Variants in KIF3C observed in about 807,000 individuals in gnomAD.
KIF3C encodes the protein kinesin-like protein KIF3C.
Under a neutral mutation model 67.7 loss-of-function variants are expected in KIF3C, and 12 were observed. The ratio of observed to expected loss-of-function variants is 0.18; its 90% confidence interval spans 0.11 to 0.29. The LOEUF (loss-of-function observed/expected upper bound fraction) is 0.29, where lower values mean the gene tolerates loss of function less well. Ranked by LOEUF, KIF3C falls within the 10% of genes least tolerant of loss-of-function variation. The pLI is 1.00. For synonymous variants in KIF3C, 393 were observed against 426.2 expected (o/e 0.92, Z 0.96); for missense variants, 789 against 1,059.6 (o/e 0.74, Z 3.55).
At chr2:25,950,895 A>T (rs1215967396) in intron 5 of KIF3C, among the ~76,000 whole-genome samples, 2 of 76,598 alleles carry the variant, frequency 2.6e-5, no homozygotes, top group Non-Finnish European at 5.1e-5. Context: ...TATAGTTGTT[A>T]AAAAAAAAAA....
At chr2:25,929,626 T>C in intron 6 of KIF3C, 149 bp from the exon 7 acceptor site, 1 of 641,640 alleles carries the variant, frequency 1.6e-6, no homozygotes. Flanking sequence ...CTTTTTTTTT[T>C]TTCTTCTGAG....
intron 1 of KIF3C, among the ~76,000 whole-genome samples, chr2:25,973,803 T>A (rs1029623193): frequency 1.3e-5 from 2 of 152,152 alleles, no homozygotes; most frequent in African/African-American, 4.8e-5. Flanking sequence ...GAGGCCCATG[T>A]TGATTTCAAA....
rs1177777793 is a variant in KIF3C at position 25,927,419 on chromosome 2, A to G, written c.*1559T>C. On this transcript the variant is annotated 3_prime_UTR_variant, in exon 8 of 8. Coordinates refer to ENST00000264712, the MANE Select transcript of KIF3C (RefSeq NM_002254.8). Reference sequence around the variant, plus strand: ...AATTGTGATTTCCTGGAAGGACAGGAGCAAATGGCAAGTGGGTGGCTCAAC... The same window carrying G: ...AATTGTGATTTCCTGGAAGGACAGGGGCAAATGGCAAGTGGGTGGCTCAAC... The G allele has an allele frequency of 6.6e-6, 1 of 152,254 alleles. No individual in the cohort carries two copies. Among genetic ancestry groups the G allele is most frequent in the Non-Finnish European group, 1.5e-5 (1 of 68,056 alleles). 9.4% of individuals were successfully genotyped at this position (152,254 alleles called of 1,614,324 possible). A position where few individuals can be genotyped will look rare whatever the true frequency, so the allele number is the denominator to read the frequency against.
At chr2:25,945,931 C>T (rs1221682505) in intron 5 of KIF3C, among the ~76,000 whole-genome samples, 3 of 151,108 alleles carry the variant, frequency 2.0e-5, no homozygotes, top group Non-Finnish European at 4.4e-5. Flanking sequence ...GCCAACATGG[C>T]GAAACTCCGT....
chr2:25,969,077 G>A (rs145024537), intron 1 of KIF3C, among the ~76,000 whole-genome samples: 6,218 of 152,182 alleles, frequency 0.041, 261 homozygotes, highest in African/African-American at 0.11. Context: ...GCCTGCTTTG[G>A]CCTCCCAAAG....
intron 5 of KIF3C, among the ~76,000 whole-genome samples, chr2:25,949,886 G>A (rs931751985): frequency 5.3e-5 from 8 of 150,800 alleles, no homozygotes; most frequent in African/African-American, 1.5e-4. Flanking sequence ...CTCGAGAATC[G>A]TTTGAACCCA....
chr2:25,979,002 A>ACATT (rs1386301268), intron 1 of KIF3C, among the ~76,000 whole-genome samples: 2 of 152,168 alleles, frequency 1.3e-5, no homozygotes. Context: ...CTGCAGCAGC[A>ACATT]CATTCCCAAA....
chr2:25,928,691 T>C lies in KIF3C; in HGVS notation c.*287A>G. 1 of 269,186 alleles carries C rather than the reference T, an allele frequency of 3.7e-6. No individual in the cohort carries two copies. Among genetic ancestry groups the C allele is most frequent in the Non-Finnish European group, 7.1e-6 (1 of 140,776 alleles). The allele number at this position is 269,186 out of a possible 1,614,324, so 16.7% of individuals were successfully genotyped here. On this transcript the variant is annotated 3_prime_UTR_variant, in exon 8 of 8. Transcript: ENST00000264712. ...AAGCCTGAGATCTGACTGGGGGAGC[T>C]CTCAAGTCAGAAGAAAAAGAGGCTA...
At chr2:25,954,193 C>A (rs186980871) in intron 4 of KIF3C, 74 bp downstream of exon 4, 2 of 1,053,596 alleles carry the variant, frequency 1.9e-6, no homozygotes, top group Admixed American at 3.4e-5. Context: ...CAGGATGAGG[C>A]CTTAGGGGAG....
chr2:25,975,312 C>T (rs1664384941), intron 1 of KIF3C, among the ~76,000 whole-genome samples: 1 of 152,238 alleles, frequency 6.6e-6, no homozygotes, highest in South Asian at 2.1e-4. Context: ...AGGTACACAC[C>T]ACCATGCCTG....
rs751821565 is a variant in KIF3C at position 25,980,673 on chromosome 2, C to T, written c.1245G>A (p.Val415=). ...CCTCAGGGTACCCAGGCGGGGCGGA[C>T]ACGGCCTTCTTCCTGCGGCTGCTCT... ...RRKSSRRKKA[V]SAPPGYPEGP... is the part of the protein sequence containing the mutation. The change falls in exon 1 of 8, where the codon GTG becomes GTA. Residue 415 remains valine (V), a synonymous_variant. Transcript: ENST00000264712. This position sits in a 1 kb window ranked among gnomAD's most constrained non-coding sequence, Gnocchi z 7.6. 6.2e-7 allele frequency: 1 copy of T among 1,613,982 alleles called. No individual in the cohort carries two copies. The highest frequency in any genetic ancestry group is 2.2e-5 in the East Asian group (1 of 44,890).
chr2:25,948,915 C>T (rs1416734470), intron 5 of KIF3C, among the ~76,000 whole-genome samples: 2 of 151,898 alleles, frequency 1.3e-5, no homozygotes, highest in East Asian at 3.9e-4. Flanking sequence ...CAAGAAACTG[C>T]TAAACTCAAG....
At chr2:25,942,406 C>A (rs1574481770) in intron 5 of KIF3C, among the ~76,000 whole-genome samples, 1 of 149,932 alleles carries the variant, frequency 6.7e-6, no homozygotes. Context: ...GACCTAGTTG[C>A]AAAAAAAAAT....
chr2:25,952,066 C>T (rs978923692), intron 4 of KIF3C, 161 bp from the exon 5 acceptor site: 7 of 571,324 alleles, frequency 1.2e-5, no homozygotes, highest in South Asian at 5.3e-5. Flanking sequence ...CCAAGGCGGG[C>T]GGATCACGAG....
intron 1 of KIF3C, among the ~76,000 whole-genome samples, chr2:25,979,139 A>G (rs1206674140): frequency 1.3e-5 from 2 of 152,086 alleles, no homozygotes; most frequent in East Asian, 3.9e-4. Context: ...CAGCAAGCTC[A>G]TGGCTTCCTG....
rs896392370 is a variant in KIF3C, at chr2:25,980,085, G to T, written c.1545+288C>A. 6.6e-6 allele frequency among the ~76,000 whole-genome samples: 1 copy of T among 152,182 alleles called. No homozygotes were observed. Among genetic ancestry groups the T allele is most frequent in the African/African-American group, 2.4e-5 (1 of 41,430 alleles). On this transcript the variant is annotated intron_variant, in intron 1 of 7. Transcript: ENST00000264712. This position sits in a 1 kb window ranked among gnomAD's most constrained non-coding sequence, Gnocchi z 7.6. ...TCCCACAGACCTGACTGATCCTGAG[G>T]CCACCAGCAGGAAATGCCCACAGCA... is the stretch of plus-strand genomic sequence containing the variant.
chr2:25,954,506 G>T (rs747211947), intron 3 of KIF3C, 121 bp from the exon 4 acceptor site: 2 of 717,252 alleles, frequency 2.8e-6, no homozygotes, highest in South Asian at 1.7e-5. Context: ...ATGAGGCTGC[G>T]GGTCCTTTTC....
At chr2:25,965,120 C>T (rs752623741) in intron 1 of KIF3C, among the ~76,000 whole-genome samples, 20 of 152,342 alleles carry the variant, frequency 1.3e-4, no homozygotes, top group Non-Finnish European at 1.6e-4. Flanking sequence ...CCAGCACAGA[C>T]GTGGTCTGAA....
intron 5 of KIF3C, among the ~76,000 whole-genome samples, chr2:25,950,222 C>CT (rs577841893): frequency 0.074 from 10,398 of 141,358 alleles, 470 homozygotes; most frequent in African/African-American, 0.12. Context: ...CTTTTCTTTT[C>CT]TTTTTTTTTT....
Sources: gnomAD v4.1 joint callset for allele counts (sites outside exome capture counted in the v4.1 genomes callset) on GRCh38, gnomAD v4.1.1 for gene constraint, Gnocchi (gnomAD v3.1) non-coding constraint, MANE v1.5 for transcripts, NCBI Gene and HGNC (gene_info 2026-07-23, HGNC 2026-07-21) for gene names.